SCEL: variants seen among roughly 807,000 people sequenced by gnomAD.
SCEL encodes sciellin.
In SCEL, 113 loss-of-function variants were observed where a neutral mutation model predicts 117.6. The observed-to-expected ratio is 0.96, with a 90% CI of 0.83 to 1.12. The LOEUF is 1.12. Among genes scored for constraint, SCEL ranks in the 50% most tolerant of loss-of-function variants. The pLI is 0.00. For missense variants in SCEL, 785 were observed against 810.8 expected (o/e 0.97, Z 0.39); for synonymous variants, 270 against 256.2 (o/e 1.05, Z -0.51).
rs2274013 is a variant in SCEL at position 77,644,290 on chromosome 13, A to G, written c.*16A>G. 35 of 1,612,716 alleles carry G rather than the reference A, an allele frequency of 2.2e-5. No homozygotes were observed. The East Asian group carries it at 7.6e-4, about 35-fold the overall frequency. ...GATTCCATAACTCTGGCACAAGGAA[A>G]TCAAGATGAAAAGCACTCATTAAGG... is the stretch of plus-strand genomic sequence containing the variant. On this transcript the variant is annotated 3_prime_UTR_variant, in exon 33 of 33. Coordinates refer to ENST00000349847, the MANE Select transcript of SCEL (RefSeq NM_144777.3).
At chr13:77,581,390 G>A (rs2086253066) in intron 9 of SCEL, among the ~76,000 whole-genome samples, 1 of 152,182 alleles carries the variant, frequency 6.6e-6, no homozygotes, top group Non-Finnish European at 1.5e-5. Flanking sequence ...TTTTTCTTCA[G>A]TCCTATGGGA....
In SCEL at chr13:77,605,312, C is replaced by T. The variant is rs572931453; in HGVS notation, c.1157+897C>T. Among the ~76,000 whole-genome samples the T allele has an allele frequency of 8.9e-4, 136 of 152,252 alleles. 1 individual carries two copies. The highest frequency in any genetic ancestry group is 1.6e-3 in the Non-Finnish European group (109 of 68,002). On this transcript the variant is annotated intron_variant, in intron 19 of 32. Transcript: ENST00000349847. ...GCTGGTGTGCACACTATCATGCCTG[C>T]CCTGTTTGTGTAGGTGTGGCATGGT... is the stretch of plus-strand genomic sequence containing the variant.
intron 20 of SCEL, among the ~76,000 whole-genome samples, chr13:77,608,337 C>T (rs1286318856): frequency 1.3e-5 from 2 of 152,160 alleles, no homozygotes; most frequent in Admixed American, 6.5e-5. Flanking sequence ...CGGTGGCTCA[C>T]GCCTGTAATC....
At chr13:77,640,446 A>G (rs556147690) in intron 30 of SCEL, among the ~76,000 whole-genome samples, 6 of 152,184 alleles carry the variant, frequency 3.9e-5, no homozygotes, top group Non-Finnish European at 8.8e-5. Flanking sequence ...CTGATGAATT[A>G]ATAATTTGGG....
chr13:77,577,993 T>G (rs571915467), intron 9 of SCEL, among the ~76,000 whole-genome samples: 1 of 152,298 alleles, frequency 6.6e-6, no homozygotes, highest in Admixed American at 6.5e-5. Context: ...CTTATTATCA[T>G]AACAAAACAC....
At chr13:77,572,517 C>A (rs1304458994) in intron 9 of SCEL, among the ~76,000 whole-genome samples, 1 of 152,158 alleles carries the variant, frequency 6.6e-6, no homozygotes, top group Non-Finnish European at 1.5e-5. Flanking sequence ...TTTATTGTCT[C>A]ATGGTTTTAG....
chr13:77,593,257 G>GGTGTGTGTGTGT (rs2086982176), intron 11 of SCEL, among the ~76,000 whole-genome samples: 1 of 101,844 alleles, frequency 9.8e-6, no homozygotes, highest in Non-Finnish European at 2.1e-5. Context: ...ATAACAGAGG[G>GGTGTGTGTGTGT]GAGTGTGTGT....
chr13:77,578,072 CA>C (rs1396272354), intron 9 of SCEL, among the ~76,000 whole-genome samples: 4 of 152,132 alleles, frequency 2.6e-5, no homozygotes, highest in Non-Finnish European at 5.9e-5. Flanking sequence ...TGTAGTCATT[CA>C]GTCATTCAGT....
intron 1 of SCEL, among the ~76,000 whole-genome samples, chr13:77,540,959 A>G (rs1345945634): frequency 6.6e-6 from 1 of 152,244 alleles, no homozygotes; most frequent in Non-Finnish European, 1.5e-5. Context: ...AAATAGAAAG[A>G]TACACAAGAG....
intron 22 of SCEL, among the ~76,000 whole-genome samples, chr13:77,611,244 C>T (rs2088625239): frequency 6.6e-6 from 1 of 152,144 alleles, no homozygotes; most frequent in Non-Finnish European, 1.5e-5. Context: ...AACAAATGGG[C>T]ATGGCTGCGT....
intron 9 of SCEL, among the ~76,000 whole-genome samples, chr13:77,576,935 C>T (rs1255725751): frequency 6.6e-6 from 1 of 152,048 alleles, no homozygotes; most frequent in Non-Finnish European, 1.5e-5. Context: ...TGGCTTTCTG[C>T]TTGCCTGTTG....
At chr13:77,577,043 C>G (rs1253116189) in intron 9 of SCEL, among the ~76,000 whole-genome samples, 2 of 152,108 alleles carry the variant, frequency 1.3e-5, no homozygotes, top group African/African-American at 4.8e-5. Flanking sequence ...TGGGCTGAGA[C>G]GATGGGGTTT....
chr13:77,603,502 C>A (rs553550361), intron 18 of SCEL, among the ~76,000 whole-genome samples: 4 of 152,218 alleles, frequency 2.6e-5, no homozygotes, highest in African/African-American at 9.6e-5. Flanking sequence ...TAATTCAGCT[C>A]CTCTAAGGGT....
intron 9 of SCEL, among the ~76,000 whole-genome samples, chr13:77,575,286 A>G (rs540322067): frequency 6.6e-6 from 1 of 152,118 alleles, no homozygotes; most frequent in Non-Finnish European, 1.5e-5. Context: ...AGCTCATAAT[A>G]TCATACCTTT....
Position 77,640,776 on chromosome 13 carries a change from T to C in SCEL, c.1939T>C (p.Cys647Arg). 2 of 1,502,122 alleles carry C rather than the reference T, an allele frequency of 1.3e-6. No individual in the cohort carries two copies. The highest frequency in any genetic ancestry group is 1.8e-6 in the Non-Finnish European group (2 of 1,082,176). 93.0% of individuals were successfully genotyped at this position (1,502,122 alleles called of 1,614,324 possible). A position where few individuals can be genotyped will look rare whatever the true frequency, so the allele number is the denominator to read the frequency against. ...ATTACAAATTTGCTGCCATTCTACT[T>C]GCTTTAAGGTAAGGATGTGTTTATT... is the stretch of plus-strand genomic sequence containing the variant. ...DELQICCHSTCFKCEICKQPL... is the reference protein window; with the variant it reads ...DELQICCHSTRFKCEICKQPL... The change falls in exon 31 of 33, where the codon TGC becomes CGC. Residue 647 changes from cysteine to arginine, a missense_variant. Cys to Arg is a radical substitution (Grantham distance 180). Coordinates refer to ENST00000349847, the MANE Select transcript of SCEL (RefSeq NM_144777.3).
intron 4 of SCEL, 143 bp from the exon 5 acceptor site, chr13:77,563,688 A>G: frequency 3.6e-6 from 2 of 560,996 alleles, no homozygotes; most frequent in Non-Finnish European, 6.1e-6. Flanking sequence ...AGATTTGGGT[A>G]TTAGAAATCT....
rs561354649 is a variant in SCEL at position 77,569,241 on chromosome 13, T to C, written c.399-130T>C. The C allele has an allele frequency of 2.4e-4, 163 of 671,332 alleles. 1 individual carries two copies. The highest frequency in any genetic ancestry group is 3.6e-4 in the Non-Finnish European group (147 of 403,888). 41.6% of individuals were successfully genotyped at this position (671,332 alleles called of 1,614,324 possible). On this transcript the variant is annotated intron_variant, in intron 7 of 32. Transcript: ENST00000349847. Reference sequence around the variant, plus strand: ...GGAAGAAGATTTTTGGCTGTTTTTCTATCCCCAAGTGAAACATTTTATGAA... The same window carrying C: ...GGAAGAAGATTTTTGGCTGTTTTTCCATCCCCAAGTGAAACATTTTATGAA...
At chr13:77,540,215 ATGTT>A (rs2083630780) in intron 1 of SCEL, among the ~76,000 whole-genome samples, 1 of 152,238 alleles carries the variant, frequency 6.6e-6, no homozygotes, top group Non-Finnish European at 1.5e-5. Flanking sequence ...AGTTAACCTC[ATGTT>A]TGTTCAACAA....
chr13:77,641,576 T>C lies in SCEL; in HGVS notation c.1947+792T>C, dbSNP rs147139600. ...AATCATCTGGGGAGATGAGGAAAAA[T>C]AGAATGATCGGGACCAGCCCCAGTT... On this transcript the variant is annotated intron_variant, in intron 31 of 32. Transcript: ENST00000349847. Among the ~76,000 whole-genome samples the C allele has an allele frequency of 4.8e-3, 729 of 152,154 alleles. 6 individuals are homozygous for C. The highest frequency in any genetic ancestry group is 0.048 in the South Asian group (229 of 4,814).
Sources: allele counts gnomAD v4.1 joint callset (sites outside exome capture counted in the v4.1 genomes callset), GRCh38; gene constraint gnomAD v4.1.1; transcripts MANE v1.5; gene names NCBI Gene and HGNC (gene_info 2026-07-23, HGNC 2026-07-21).